The following WDR70 variants were observed in gnomAD, a reference collection of about 807,000 sequenced individuals.
WDR70 encodes the protein WD repeat domain 70.
In WDR70, 53 loss-of-function variants were observed where a neutral mutation model predicts 88.6. The ratio of observed to expected loss-of-function variants is 0.60; its 90% CI spans 0.48 to 0.75. WDR70 has a LOEUF of 0.75. Ranked by LOEUF, WDR70 falls within the 30% of genes least tolerant of loss-of-function variation. The pLI, the probability that WDR70 is intolerant of heterozygous loss-of-function variation, is 0.00. For synonymous variants in WDR70, 280 were observed against 270.0 expected (o/e 1.04, Z -0.36); for missense variants, 610 against 823.2 (o/e 0.74, Z 3.17).
At chr5:37,450,143 A>G (rs1397751418) in intron 7 of WDR70, among the ~76,000 whole-genome samples, 2 of 152,088 alleles carry the variant, frequency 1.3e-5, no homozygotes, top group African/African-American at 2.4e-5. Context: ...TATCCAGTCT[A>G]TCATTGATGG....
chr5:37,506,645 A>G (rs1358565707), intron 8 of WDR70: 4 of 779,484 alleles, frequency 5.1e-6, no homozygotes, highest in Non-Finnish European at 9.5e-6. Flanking sequence ...TCTGAAGATC[A>G]ATAAATGGCT....
intron 5 of WDR70, among the ~76,000 whole-genome samples, chr5:37,415,425 T>C (rs1209524715): frequency 3.8e-5 from 3 of 78,698 alleles, no homozygotes; most frequent in Admixed American, 1.3e-4. Flanking sequence ...CCCCCCCACC[T>C]CCCTCCCGGA....
rs1581551189 is a variant in WDR70 at position 37,752,675 on chromosome 5, G to A, written c.*102G>A. ...AATTAAAAATTCATTTTTATGAACA[G>A]GTTTTGTCCTTTGCATTATTGAACT... On this transcript the variant is annotated 3_prime_UTR_variant, in exon 18 of 18. Transcript: ENST00000265107. 3 of 884,324 alleles carry A rather than the reference G, an allele frequency of 3.4e-6. No individual in the cohort carries two copies. The highest frequency in any genetic ancestry group is 5.3e-6 in the Non-Finnish European group (3 of 571,088). The allele number at this position is 884,324 out of a possible 1,614,324, so 54.8% of individuals were successfully genotyped here. A position where few individuals can be genotyped will look rare whatever the true frequency, so the allele number is the denominator to read the frequency against.
At position 37,379,483 on chromosome 5, in the gene WDR70, C is replaced by G; in HGVS notation, c.26-6C>G. 6.2e-7 allele frequency: 1 copy of G among 1,614,002 alleles called. No individual in the cohort carries two copies. Among genetic ancestry groups the G allele is most frequent in the African/African-American group, 1.3e-5 (1 of 75,076 alleles). ...CTAGGCCGCCTCTCTTTTCCTCTTGCTCCAGTGACAGGCTCAGACGCGTCG... is the reference window on the plus strand; with the variant it reads ...CTAGGCCGCCTCTCTTTTCCTCTTGGTCCAGTGACAGGCTCAGACGCGTCG... On this transcript the variant is annotated splice_polypyrimidine_tract_variant and splice_region_variant and intron_variant, in intron 1 of 17. Transcript: ENST00000265107.
At chr5:37,734,767 C>T (rs182250541) in intron 17 of WDR70, among the ~76,000 whole-genome samples, 93 of 152,114 alleles carry the variant, frequency 6.1e-4, no homozygotes, top group Non-Finnish European at 1.1e-3. Flanking sequence ...TCCCATGCAG[C>T]GAACACAAGA....
rs114004072 is a variant in WDR70, at chr5:37,428,939, A to G, written c.493-8983A>G. ...ATTGTTGATAATTTTAATGTTAGCT[A>G]TTCCAGTAAGTGTGTAGTGCTGTTT... is the stretch of plus-strand genomic sequence containing the variant. On this transcript the variant is annotated intron_variant, in intron 5 of 17. Transcript: ENST00000265107. Among the ~76,000 whole-genome samples, 334 of 152,304 alleles carry G rather than the reference A, an allele frequency of 2.2e-3. 1 individual carries two copies. The highest frequency in any genetic ancestry group is 3.1e-3 in the Non-Finnish European group (211 of 68,038).
intron 7 of WDR70, among the ~76,000 whole-genome samples, chr5:37,465,658 G>GTTTTTTTTT (rs59224939): frequency 2.0e-5 from 2 of 99,388 alleles, no homozygotes; most frequent in Non-Finnish European, 4.4e-5. Context: ...ATTGTCATGA[G>GTTTTTTTTT]TTTTTTTTTT....
chr5:37,564,631 C>T (rs1003629825), intron 9 of WDR70, among the ~76,000 whole-genome samples: 1 of 145,530 alleles, frequency 6.9e-6, no homozygotes, highest in African/African-American at 2.5e-5. Flanking sequence ...TCTTATCCAT[C>T]AAATGTGGAC....
intron 5 of WDR70, among the ~76,000 whole-genome samples, chr5:37,433,908 A>G (rs576354784): frequency 6.6e-6 from 1 of 152,162 alleles, no homozygotes; most frequent in Non-Finnish European, 1.5e-5. Flanking sequence ...TAGTTCTTTT[A>G]TCATTAATCT....
chr5:37,455,538 T>G (rs4407651), intron 7 of WDR70, among the ~76,000 whole-genome samples: 130,666 of 151,412 alleles, frequency 0.86, 59,599 homozygotes, highest in East Asian at 1. Flanking sequence ...CATTGCGCCT[T>G]ATCCTGATTT....
intron 10 of WDR70, among the ~76,000 whole-genome samples, chr5:37,639,303 T>G (rs780417072): frequency 2.0e-5 from 3 of 152,172 alleles, no homozygotes; most frequent in Admixed American, 6.5e-5. Context: ...GAAATTATTA[T>G]CCATCTCTGA....
At chr5:37,722,583 T>C (rs1747854085) in intron 14 of WDR70, 1 of 388,514 alleles carries the variant, frequency 2.6e-6, no homozygotes, top group East Asian at 4.5e-5. Flanking sequence ...TTCACATTAT[T>C]CCTATAGGTT....
At chr5:37,590,666 G>A (rs973524147) in intron 9 of WDR70, among the ~76,000 whole-genome samples, 1 of 152,126 alleles carries the variant, frequency 6.6e-6, no homozygotes, top group African/African-American at 2.4e-5. Context: ...AAAGATGAAG[G>A]CAGAGATCAG....
rs534137095 is a variant in WDR70 at position 37,419,712 on chromosome 5, G to C, written c.493-18210G>C. 2.6e-5 allele frequency among the ~76,000 whole-genome samples: 4 copies of C among 152,068 alleles called. No individual in the cohort carries two copies. In the South Asian group the frequency reaches 8.3e-4, roughly 32 times the overall value. On this transcript the variant is annotated intron_variant, in intron 5 of 17. Coordinates refer to ENST00000265107, the MANE Select transcript of WDR70 (RefSeq NM_018034.4). ...TGCCTGTAATCCCTGCTACTTGGGAGGCTGAGGCAGGAGAATTGCTTGAAC... is the reference window on the plus strand; with the variant it reads ...TGCCTGTAATCCCTGCTACTTGGGACGCTGAGGCAGGAGAATTGCTTGAAC...
At chr5:37,553,991 C>T (rs1311912553) in intron 9 of WDR70, among the ~76,000 whole-genome samples, 4 of 152,024 alleles carry the variant, frequency 2.6e-5, no homozygotes, top group Non-Finnish European at 5.9e-5. Context: ...GGTTTATAAA[C>T]ATCTGTCTTA....
intron 3 of WDR70, among the ~76,000 whole-genome samples, chr5:37,384,127 C>G (rs560314001): frequency 6.7e-6 from 1 of 150,322 alleles, no homozygotes; most frequent in Non-Finnish European, 1.5e-5. Context: ...ATAGGAAAAA[C>G]CAAGTTGTTT....
At chr5:37,544,957 C>T (rs1741941575) in intron 9 of WDR70, among the ~76,000 whole-genome samples, 2 of 151,944 alleles carry the variant, frequency 1.3e-5, no homozygotes, top group Non-Finnish European at 2.9e-5. Context: ...GAAAAGTAAA[C>T]TTTTCTGTAA....
At chr5:37,676,252 C>T (rs1042575829) in intron 10 of WDR70, among the ~76,000 whole-genome samples, 1 of 151,158 alleles carries the variant, frequency 6.6e-6, no homozygotes, top group Middle Eastern at 3.2e-3. Flanking sequence ...ATTGCCCTGG[C>T]CAGAACTTCC....
At chr5:37,491,963 T>C (rs1740081150) in intron 8 of WDR70, among the ~76,000 whole-genome samples, 2 of 152,220 alleles carry the variant, frequency 1.3e-5, no homozygotes, top group South Asian at 4.1e-4. Context: ...CCATCATTTT[T>C]GGAGTACTTT....
Sources: allele counts gnomAD v4.1 joint callset (sites outside exome capture counted in the v4.1 genomes callset), GRCh38; gene constraint gnomAD v4.1.1; transcripts MANE v1.5; gene names NCBI Gene and HGNC (gene_info 2026-07-23, HGNC 2026-07-21).